DLC1: variants seen among roughly 807,000 people sequenced by gnomAD.
DLC1 encodes DLC1 Rho GTPase activating protein.
A neutral mutation model predicts 140.3 loss-of-function variants in DLC1; 54 were observed. That is an observed-to-expected ratio of 0.38 (90% CI 0.31 to 0.48). The LOEUF (loss-of-function observed/expected upper bound fraction) is 0.48. DLC1 is among the 20% of genes least tolerant of loss of function. The pLI, the probability that DLC1 is intolerant of heterozygous loss-of-function variation, is 0.96. For synonymous variants in DLC1, 986 were observed against 728.1 expected (o/e 1.35, Z -5.70); for missense variants, 2,536 against 1,907.0 (o/e 1.33, Z -6.14).
At chr8:13,564,663 G>A (rs1332922215) in intron 1 of DLC1, among the ~76,000 whole-genome samples, 1 of 152,172 alleles carries the variant, frequency 6.6e-6, no homozygotes, top group Admixed American at 6.5e-5. Flanking sequence ...CATAGGAAAG[G>A]AAAGCAAGAG....
intron 5 of DLC1, among the ~76,000 whole-genome samples, chr8:13,230,961 G>A (rs1829021626): frequency 1.3e-5 from 2 of 152,022 alleles, no homozygotes; most frequent in Admixed American, 1.3e-4. Flanking sequence ...CACACCAAAG[G>A]GATTTAGGCG....
At chr8:13,495,681 A>T (rs1801467612) in intron 2 of DLC1, among the ~76,000 whole-genome samples, 1 of 152,184 alleles carries the variant, frequency 6.6e-6, no homozygotes, top group Non-Finnish European at 1.5e-5. Context: ...CCTAATAAAT[A>T]TACGTGTGAC....
intron 2 of DLC1, among the ~76,000 whole-genome samples, chr8:13,436,466 A>G (rs1309008120): frequency 6.6e-6 from 1 of 152,160 alleles, no homozygotes; most frequent in East Asian, 1.9e-4. Flanking sequence ...CCCGTTTTCA[A>G]TCTTCATTAT....
intron 2 of DLC1, among the ~76,000 whole-genome samples, chr8:13,402,039 C>G (rs954515398): frequency 2.0e-5 from 3 of 152,194 alleles, no homozygotes; most frequent in Admixed American, 1.3e-4. Flanking sequence ...TTGGAAGACT[C>G]TTTTGCAGTA....
At chr8:13,133,018 G>A in intron 5 of DLC1, 1 of 1,599,416 alleles carries the variant, frequency 6.3e-7, no homozygotes. Context: ...CTGTGGGGAA[G>A]TCGAGGCAGG....
At chr8:13,126,337 T>C (rs940563170) in intron 5 of DLC1, among the ~76,000 whole-genome samples, 2 of 150,178 alleles carry the variant, frequency 1.3e-5, no homozygotes, top group African/African-American at 5.0e-5. Flanking sequence ...AATAAATCGC[T>C]GCTACAGGGA....
intron 5 of DLC1, among the ~76,000 whole-genome samples, chr8:13,238,971 A>G (rs940003057): frequency 6.6e-6 from 1 of 152,180 alleles, no homozygotes; most frequent in South Asian, 2.1e-4. Context: ...GCGTCAGGGC[A>G]CACAGTCTAG....
chr8:13,105,566 A>T (rs1819493681), intron 7 of DLC1, among the ~76,000 whole-genome samples: 1 of 151,756 alleles, frequency 6.6e-6, no homozygotes, highest in African/African-American at 2.4e-5. Flanking sequence ...CAAACCCAGT[A>T]ACTTCTAGGT....
chr8:13,125,570 C>A (rs965028075), intron 5 of DLC1, among the ~76,000 whole-genome samples: 40 of 152,252 alleles, frequency 2.6e-4, no homozygotes, highest in African/African-American at 8.7e-4. Flanking sequence ...GAAGCTGGTA[C>A]AGAATTGAGG....
intron 5 of DLC1, among the ~76,000 whole-genome samples, chr8:13,218,841 A>G (rs1371398886): frequency 5.2e-5 from 2 of 38,232 alleles, no homozygotes; most frequent in South Asian, 1.5e-3. Context: ...ACTATATATG[A>G]ATATAATTAT....
intron 5 of DLC1, among the ~76,000 whole-genome samples, chr8:13,252,253 G>A (rs1036998376): frequency 1.3e-5 from 2 of 152,154 alleles, no homozygotes; most frequent in Non-Finnish European, 2.9e-5. Flanking sequence ...TATGAAGAGA[G>A]AAGGAATCAG....
chr8:13,310,832 A>G (rs1832640383), intron 4 of DLC1, among the ~76,000 whole-genome samples: 1 of 152,198 alleles, frequency 6.6e-6, no homozygotes, highest in Non-Finnish European at 1.5e-5. Flanking sequence ...TTAAAAATAT[A>G]GTCTCTTCTT....
chr8:13,178,106 T>A (rs115788449), intron 5 of DLC1, among the ~76,000 whole-genome samples: 2,925 of 152,122 alleles, frequency 0.019, 44 homozygotes, highest in South Asian at 0.047. Context: ...AAAAACAACC[T>A]CACATCATTG....
chr8:13,320,592 A>T (rs1415986372), intron 4 of DLC1, among the ~76,000 whole-genome samples: 1 of 151,950 alleles, frequency 6.6e-6, no homozygotes, highest in Admixed American at 6.6e-5. Flanking sequence ...TTGATCCCCG[A>T]TGTTGGAGGT....
chr8:13,523,085 C>T (rs1251973585), intron 1 of DLC1, among the ~76,000 whole-genome samples: 1 of 152,060 alleles, frequency 6.6e-6, no homozygotes, highest in African/African-American at 2.4e-5. Flanking sequence ...AAAGGTAGAG[C>T]CCTGGAAAGA....
At chr8:13,326,041 A>AAAT (rs1033980948) in intron 4 of DLC1, among the ~76,000 whole-genome samples, 2 of 152,270 alleles carry the variant, frequency 1.3e-5, no homozygotes, top group Non-Finnish European at 1.5e-5. Context: ...TCTTATAAAA[A>AAAT]AAATAAATAA....
At chr8:13,291,174 G>A (rs984851577) in intron 5 of DLC1, among the ~76,000 whole-genome samples, 1 of 152,210 alleles carries the variant, frequency 6.6e-6, no homozygotes, top group South Asian at 2.1e-4. Context: ...CTCCCAAAGT[G>A]CTGGGATTAC....
chr8:13,103,898 T>C (rs1585630810), intron 7 of DLC1, among the ~76,000 whole-genome samples: 1 of 146,532 alleles, frequency 6.8e-6, no homozygotes, highest in East Asian at 2.0e-4. Context: ...TCTCCTTTCA[T>C]AGAAATAGAA....
chr8:13,598,140 A>G (rs1250394723), intron 1 of DLC1, among the ~76,000 whole-genome samples: 1 of 151,980 alleles, frequency 6.6e-6, no homozygotes. Flanking sequence ...AATCTTTACA[A>G]ACAATTAAAA....
Sources: gnomAD v4.1 joint callset for allele counts (sites outside exome capture counted in the v4.1 genomes callset) on GRCh38, gnomAD v4.1.1 for gene constraint, MANE v1.5 for transcripts, NCBI Gene and HGNC (gene_info 2026-07-23, HGNC 2026-07-21) for gene names.